Variants in ZNF740 observed in about 807,000 individuals in gnomAD.
ZNF740 encodes zinc finger protein 740, also known as oriLyt TD-element-binding protein 7.
ZNF740 carries 14 observed loss-of-function variants against 24.8 expected under a neutral mutation model. The observed-to-expected ratio is 0.56, with a 90% confidence interval of 0.37 to 0.88. The LOEUF (loss-of-function observed/expected upper bound fraction) is 0.88, where lower values mean the gene tolerates loss of function less well. Ranked by LOEUF, ZNF740 falls within the 40% of genes least tolerant of loss-of-function variation. The pLI is 0.00. For synonymous variants in ZNF740, 69 were observed against 84.0 expected (o/e 0.82, Z 0.98); for missense variants, 201 against 247.9 (o/e 0.81, Z 1.27).
In ZNF740 at chr12:53,193,716, A is replaced by G. The variant is rs1195681179; in HGVS notation, c.*6126A>G. 1 of 1,612,062 alleles carries G rather than the reference A, an allele frequency of 6.2e-7. No homozygotes were observed. Among genetic ancestry groups the G allele is most frequent in the Non-Finnish European group, 8.5e-7 (1 of 1,178,974 alleles). On this transcript the variant is annotated 3_prime_UTR_variant, in exon 7 of 7. Transcript: ENST00000416904. ...GAAGAGGAGGCCCTCACCTGCATAC[A>G]CCACATTGTAGGTGTCCCTGGCCAT... is the stretch of plus-strand genomic sequence containing the variant.
chr12:53,184,169 G>T (rs1488575729), intron 2 of ZNF740, among the ~76,000 whole-genome samples: 2 of 136,754 alleles, frequency 1.5e-5, no homozygotes, highest in African/African-American at 3.2e-5. Context: ...GCGCTCTGAA[G>T]CTAAGGGGTG....
At chr12:53,182,755 T>C (rs940760997) in intron 2 of ZNF740, among the ~76,000 whole-genome samples, 4 of 152,114 alleles carry the variant, frequency 2.6e-5, no homozygotes, top group African/African-American at 9.7e-5. Context: ...GGGATAGTTA[T>C]GGAGGTAGTA....
chr12:53,180,842 G>A lies in ZNF740; in HGVS notation c.-308+5G>A. The A allele has an allele frequency of 1.6e-6, 2 of 1,270,340 alleles. No homozygotes were observed. The highest frequency in any genetic ancestry group is 2.0e-6 in the Non-Finnish European group (2 of 981,414). 78.7% of individuals were successfully genotyped at this position (1,270,340 alleles called of 1,614,324 possible). A position where few individuals can be genotyped will look rare whatever the true frequency, so the allele number is the denominator to read the frequency against. On this transcript the variant is annotated splice_donor_5th_base_variant and intron_variant, in intron 1 of 6. Transcript: ENST00000416904. ...GCGGGAGGCCGCGCCTGGCAGGTAG[G>A]AGCAAGCCCCAAAGACCGCAGCGTC...
rs995251830 is a variant in ZNF740 at position 53,190,148 on chromosome 12, CTG to C, written c.*2559_*2560del. On this transcript the variant is annotated 3_prime_UTR_variant, in exon 7 of 7. Transcript: ENST00000416904. Reference sequence around the variant, plus strand: ...GTTGGTTCAGTTCCCGCGCTGATGTCTGGGGCAGTGCATGTGTGAGAAGAGAG... The same window carrying C: ...GTTGGTTCAGTTCCCGCGCTGATGTCGGGCAGTGCATGTGTGAGAAGAGAG... 2 of 152,426 alleles carry C rather than the reference CTG, an allele frequency of 1.3e-5. No individual in the cohort carries two copies. Among genetic ancestry groups the C allele is most frequent in the African/African-American group, 4.8e-5 (2 of 41,446 alleles). The allele number at this position is 152,426 out of a possible 1,614,324, so 9.4% of individuals were successfully genotyped here.
chr12:53,186,550 C>A, intron 6 of ZNF740, 41 bp downstream of exon 6: 1 of 1,496,448 alleles, frequency 6.7e-7, no homozygotes, highest in Non-Finnish European at 9.1e-7. Flanking sequence ...ACACACTTTT[C>A]CTTCCCCAAG....
chr12:53,186,418 G>C lies in ZNF740; in HGVS notation c.401G>C (p.Cys134Ser). The C allele has an allele frequency of 6.3e-7, 1 of 1,586,434 alleles. No individual in the cohort carries two copies. Among genetic ancestry groups the C allele is most frequent in the Non-Finnish European group, 8.6e-7 (1 of 1,165,660 alleles). The part of the protein sequence containing the change: ...TGEKPFECDI[C>S]DMRFIQKYHL... Reference sequence around the variant, plus strand: ...GAGAAGCCATTTGAATGCGATATATGTGATATGCGTTTCATCCAGAAGTAC... The same window carrying C: ...GAGAAGCCATTTGAATGCGATATATCTGATATGCGTTTCATCCAGAAGTAC... The change falls in exon 6 of 7, where the codon TGT becomes TCT. Residue 134 changes from cysteine (C) to serine (S), a missense_variant. Cys to Ser is a moderately radical substitution (Grantham distance 112, BLOSUM62 -1). Transcript: ENST00000416904.
rs1941978204 is a variant in ZNF740 at position 53,192,184 on chromosome 12, A to G, written c.*4594A>G. 1.7e-6 allele frequency: 2 copies of G among 1,195,126 alleles called. No individual in the cohort carries two copies. Among genetic ancestry groups the G allele is most frequent in the African/African-American group, 1.5e-5 (1 of 66,138 alleles). 74.0% of individuals were successfully genotyped at this position (1,195,126 alleles called of 1,614,324 possible). ...ACCGCCCAGGGCCTTAGCCTCGTCC[A>G]CTTGCTCAATTGCCTCTGCCTTTGT... On this transcript the variant is annotated 3_prime_UTR_variant, in exon 7 of 7. Transcript: ENST00000416904.
chr12:53,187,177 C>A (rs1453338527), intron 6 of ZNF740, among the ~76,000 whole-genome samples: 1 of 152,212 alleles, frequency 6.6e-6, no homozygotes, highest in Non-Finnish European at 1.5e-5. Context: ...GAGATAGATA[C>A]TCAATAAATC....
rs1941890402 is a variant in ZNF740 at position 53,189,647 on chromosome 12, T to C, written c.*2057T>C. On this transcript the variant is annotated 3_prime_UTR_variant, in exon 7 of 7. Transcript: ENST00000416904. ...ACTCCCATTTGATGTGGTCCAGAAC[T>C]TAGACCTCAGTCCTTGGATCAGCCC... 6.6e-6 allele frequency: 1 copy of C among 152,152 alleles called. No individual in the cohort carries two copies. Among genetic ancestry groups the C allele is most frequent in the Non-Finnish European group, 1.5e-5 (1 of 68,040 alleles). 9.4% of individuals were successfully genotyped at this position (152,152 alleles called of 1,614,324 possible).
At chr12:53,185,236 A>G in intron 3 of ZNF740, 151 bp from the exon 4 acceptor site, 1 of 1,112,682 alleles carries the variant, frequency 9.0e-7, no homozygotes, top group Non-Finnish European at 1.3e-6. Flanking sequence ...TTTTAAGACC[A>G]GGTGCTTGGA....
intron 2 of ZNF740, among the ~76,000 whole-genome samples, chr12:53,183,852 C>T (rs1941757072): frequency 6.6e-6 from 1 of 151,866 alleles, no homozygotes; most frequent in South Asian, 2.1e-4. Context: ...GGTGAAACCC[C>T]GTCTCTATAA....
In ZNF740 at chr12:53,193,076, C is replaced by A; in HGVS notation, c.*5486C>A. The A allele has an allele frequency of 6.7e-7, 1 of 1,481,766 alleles. No individual in the cohort carries two copies. 91.8% of individuals were successfully genotyped at this position (1,481,766 alleles called of 1,614,324 possible). A position where few individuals can be genotyped will look rare whatever the true frequency, so the allele number is the denominator to read the frequency against. ...ATTTGCCTTCCATGCCAGGAGATTC[C>A]CAGAGCCTAAGTGCCTTGGGAAGGC... is the stretch of plus-strand genomic sequence containing the variant. On this transcript the variant is annotated 3_prime_UTR_variant, in exon 7 of 7. Transcript: ENST00000416904.
rs1592395684 is a variant in ZNF740, at chr12:53,192,511, C to T, written c.*4921C>T. 4 of 1,614,052 alleles carry T rather than the reference C, an allele frequency of 2.5e-6. No individual in the cohort carries two copies. The highest frequency in any genetic ancestry group is 8.5e-7 in the Non-Finnish European group (1 of 1,179,982). ...TGCAGTTGGTGGCCAGTGGGCCAGT[C>T]CTGAAGGCCCCACACTCTGCACAGT... On this transcript the variant is annotated 3_prime_UTR_variant, in exon 7 of 7. Coordinates refer to ENST00000416904, the MANE Select transcript of ZNF740 (RefSeq NM_001004304.4).
rs199702415 is a variant in ZNF740 at position 53,192,463 on chromosome 12, A to G, written c.*4873A>G. The stretch of plus-strand genomic sequence containing the variant: ...AGATAGGGGCCAAGGCCAGGGTCAC[A>G]TTGGTATGGGCACAAGCTGTACTGC... On this transcript the variant is annotated 3_prime_UTR_variant, in exon 7 of 7. Coordinates refer to ENST00000416904, the MANE Select transcript of ZNF740 (RefSeq NM_001004304.4). The G allele has an allele frequency of 7.4e-5, 120 of 1,614,020 alleles. No homozygotes were observed. Among genetic ancestry groups the G allele is most frequent in the Middle Eastern group, 1.6e-4 (1 of 6,084 alleles).
chr12:53,192,825 A>G lies in ZNF740; in HGVS notation c.*5235A>G, dbSNP rs142010891. On this transcript the variant is annotated 3_prime_UTR_variant, in exon 7 of 7. Transcript: ENST00000416904. ...AGAGCCCTCCCTCGGGACTGATGCA[A>G]CTGTCCATGTCCCCACTGCATTCGC... The G allele has an allele frequency of 4.0e-5, 64 of 1,614,192 alleles. No homozygotes were observed. In the African/African-American group the frequency reaches 7.2e-4, roughly 18 times the overall value.
intron 2 of ZNF740, among the ~76,000 whole-genome samples, chr12:53,184,410 A>G (rs1218781435): frequency 6.6e-6 from 1 of 151,660 alleles, no homozygotes; most frequent in African/African-American, 2.4e-5. Flanking sequence ...CTTGTCTCGA[A>G]CTCCTGACTT....
chr12:53,184,112 G>A (rs1387431145), intron 2 of ZNF740, among the ~76,000 whole-genome samples: 1 of 87,414 alleles, frequency 1.1e-5, no homozygotes, highest in Non-Finnish European at 2.1e-5. Flanking sequence ...CTGAAGCTAA[G>A]GGGTGTGTGT....
chr12:53,185,492 A>AT lies in ZNF740; in HGVS notation c.249+17dup. 6.2e-7 allele frequency: 1 copy of AT among 1,611,140 alleles called. No individual in the cohort carries two copies. The highest frequency in any genetic ancestry group is 2.2e-5 in the East Asian group (1 of 44,862). On this transcript the variant is annotated intron_variant, in intron 4 of 6. Coordinates refer to ENST00000416904, the MANE Select transcript of ZNF740 (RefSeq NM_001004304.4). ...TGTTAAAAAGGCAGGTAATGGGGTGATCCCCCAAACTCATACAGTTTGGTA... is the reference window on the plus strand; with the variant it reads ...TGTTAAAAAGGCAGGTAATGGGGTGATTCCCCCAAACTCATACAGTTTGGTA...
At chr12:53,181,388 C>T (rs1941625362) in intron 1 of ZNF740, 2 of 985,318 alleles carry the variant, frequency 2.0e-6, no homozygotes, top group Non-Finnish European at 2.4e-6. Flanking sequence ...ACAAAAGCCC[C>T]AAAGGGTCTC....
Sources: gnomAD v4.1 joint callset for allele counts (sites outside exome capture counted in the v4.1 genomes callset) on GRCh38, gnomAD v4.1.1 for gene constraint, MANE v1.5 for transcripts, NCBI Gene and HGNC (gene_info 2026-07-23, HGNC 2026-07-21) for gene names.